The following IFT43 variants were observed in gnomAD, a reference collection of about 807,000 sequenced individuals.
IFT43 encodes intraflagellar transport protein 43 homolog.
IFT43 carries 33 observed loss-of-function variants against 32.3 expected under a neutral mutation model. That is an observed-to-expected ratio of 1.02 (90% confidence interval 0.77 to 1.37). The LOEUF (loss-of-function observed/expected upper bound fraction) is 1.37. IFT43 is among the 40% of genes most tolerant of loss of function. IFT43 has a pLI of 0.00. For synonymous variants in IFT43, 93 were observed against 98.2 expected, an observed-to-expected ratio of 0.95 and a Z score of 0.31; for missense variants, 274 against 265.9, an observed-to-expected ratio of 1.03 and a Z score of -0.21.
At chr14:76,016,907 A>G (rs986348428) in intron 2 of IFT43, among the ~76,000 whole-genome samples, 1 of 152,138 alleles carries the variant, frequency 6.6e-6, no homozygotes, top group Non-Finnish European at 1.5e-5. Context: ...GTATCCTGCA[A>G]CTTCACTGAA....
At chr14:76,081,493 AC>A (rs1476164755) in intron 5 of IFT43, among the ~76,000 whole-genome samples, 1 of 152,220 alleles carries the variant, frequency 6.6e-6, no homozygotes, top group Admixed American at 6.5e-5. Flanking sequence ...TGTTAGGTTG[AC>A]CCATGAGAAC....
At chr14:76,052,958 G>A (rs541862652) in intron 3 of IFT43, among the ~76,000 whole-genome samples, 12 of 152,222 alleles carry the variant, frequency 7.9e-5, no homozygotes, top group South Asian at 6.2e-4. Context: ...TGAAATGCCC[G>A]CATGTCTCCA....
chr14:75,993,142 G>A (rs1341013390), intron 2 of IFT43, among the ~76,000 whole-genome samples: 2 of 152,104 alleles, frequency 1.3e-5, no homozygotes, highest in African/African-American at 4.8e-5. Flanking sequence ...TCTAGAACTT[G>A]GGCATTCTTT....
intron 5 of IFT43, among the ~76,000 whole-genome samples, chr14:76,069,607 G>C (rs1178556139): frequency 6.6e-6 from 1 of 152,190 alleles, no homozygotes; most frequent in Non-Finnish European, 1.5e-5. Context: ...GAATGTTCAG[G>C]TGGAATAATC....
intron 3 of IFT43, among the ~76,000 whole-genome samples, chr14:76,023,940 C>G (rs1396702190): frequency 2.0e-5 from 3 of 152,176 alleles, no homozygotes; most frequent in Non-Finnish European, 4.4e-5. Context: ...AGAATACAGA[C>G]ACAGATTCTT....
chr14:76,026,712 A>C (rs901513234), intron 3 of IFT43, among the ~76,000 whole-genome samples: 1 of 152,216 alleles, frequency 6.6e-6, no homozygotes, highest in African/African-American at 2.4e-5. Context: ...ATACCATTTC[A>C]CCCAGCAATC....
chr14:76,060,190 T>C (rs150196396), intron 5 of IFT43, among the ~76,000 whole-genome samples: 105 of 152,200 alleles, frequency 6.9e-4, no homozygotes, highest in African/African-American at 2.5e-3. Context: ...GGAGATTACG[T>C]AGGGGATCCA....
chr14:76,050,455 A>T lies in IFT43; in HGVS notation c.216-8187A>T, dbSNP rs562187045. Among the ~76,000 whole-genome samples the T allele has an allele frequency of 2.1e-3, 320 of 151,164 alleles. 4 individuals are homozygous for T. Among genetic ancestry groups the T allele is most frequent in the Non-Finnish European group, 2.5e-3 (170 of 67,646 alleles). ...GTTTGGATGTGGTGGGAGTGTTTGG[A>T]TGTGGTGGGAGTCTTTTGTTTGTTT... On this transcript the variant is annotated intron_variant, in intron 3 of 8. Transcript: ENST00000314067.
rs756188997 is a variant in IFT43 at position 75,985,817 on chromosome 14, C to T, written c.31C>T (p.Leu11Phe). The change falls in exon 1 of 9, where the codon CTT becomes TTT. Residue 11 changes from leucine (L) to phenylalanine (F), a missense_variant. Transcript: ENST00000314067. MEDLLDLDEELRYSLATSRAK... is the reference protein window; with the variant it reads MEDLLDLDEEFRYSLATSRAK... Reference sequence around the variant, plus strand: ...GGATTTGCTCGACTTGGACGAGGAGCTTCGCTACAGCTTGGCTACCTCCGT... The same window carrying T: ...GGATTTGCTCGACTTGGACGAGGAGTTTCGCTACAGCTTGGCTACCTCCGT... 20 of 1,614,022 alleles carry T rather than the reference C, an allele frequency of 1.2e-5. No individual in the cohort carries two copies. The Admixed American group carries it at 2.8e-4, about 23-fold the overall frequency.
intron 2 of IFT43, among the ~76,000 whole-genome samples, chr14:76,019,097 A>G (rs2036243003): frequency 6.6e-6 from 1 of 151,902 alleles, no homozygotes; most frequent in African/African-American, 2.4e-5. Flanking sequence ...TTCCTCTTTT[A>G]AGTTTTATCA....
intron 5 of IFT43, among the ~76,000 whole-genome samples, chr14:76,060,883 T>TCCCCG (rs2037121482): frequency 7.3e-6 from 1 of 136,506 alleles, no homozygotes; most frequent in African/African-American, 2.7e-5. Flanking sequence ...TTTCCTGCTC[T>TCCCCG]CCCCTCCCCT....
chr14:76,008,311 CA>C (rs1210516279), intron 2 of IFT43, among the ~76,000 whole-genome samples: 1 of 152,164 alleles, frequency 6.6e-6, no homozygotes, highest in African/African-American at 2.4e-5. Context: ...CAGAAACTTC[CA>C]TTGTCTCAAC....
intron 1 of IFT43, among the ~76,000 whole-genome samples, chr14:75,986,633 G>A (rs1258417758): frequency 2.6e-5 from 4 of 152,112 alleles, no homozygotes; most frequent in East Asian, 1.9e-4. Flanking sequence ...ATGAGGCTGT[G>A]GTTTACCCAG....
intron 2 of IFT43, among the ~76,000 whole-genome samples, chr14:76,018,144 T>C (rs995609942): frequency 6.6e-6 from 1 of 152,018 alleles, no homozygotes; most frequent in Non-Finnish European, 1.5e-5. Context: ...TGTTAGCTTG[T>C]TCATTCAGAA....
intron 1 of IFT43, 54 bp from the exon 2 acceptor site, chr14:75,988,831 A>G: frequency 6.2e-7 from 1 of 1,612,200 alleles, no homozygotes; most frequent in Non-Finnish European, 8.5e-7. Flanking sequence ...TTGTCATCTC[A>G]GTAGTGGCCC....
rs1183227095 is a variant in IFT43, at chr14:76,028,498, T to C, written c.215+6104T>C. On this transcript the variant is annotated intron_variant, in intron 3 of 8. Transcript: ENST00000314067. ...TGTTTTATTTTAGATTCAGGAGATA[T>C]ATGCGCAGGTTTGTTACAGGGGTAT... Among the ~76,000 whole-genome samples the C allele has an allele frequency of 3.9e-5, 6 of 152,148 alleles. No individual in the cohort carries two copies. In the South Asian group the frequency reaches 6.2e-4, roughly 16 times the overall value.
chr14:75,998,591 C>A (rs574503853), intron 2 of IFT43, among the ~76,000 whole-genome samples: 2 of 152,214 alleles, frequency 1.3e-5, no homozygotes, highest in East Asian at 3.9e-4. Flanking sequence ...GTCCAGAAGC[C>A]AAGATAAGTG....
chr14:75,999,270 TA>T (rs1566699651), intron 2 of IFT43, among the ~76,000 whole-genome samples: 291 of 25,160 alleles, frequency 0.012, 14 homozygotes, highest in Middle Eastern at 0.029. Context: ...TATATATATA[TA>T]TGTATATATA....
At chr14:76,041,960 TCCCCTGAGTTTTTTTAG>T (rs2036715544) in intron 3 of IFT43, among the ~76,000 whole-genome samples, 3 of 152,174 alleles carry the variant, frequency 2.0e-5, no homozygotes, top group Non-Finnish European at 4.4e-5. Flanking sequence ...CCATTATCTG[TCCCCTGAGTTTTTTTAG>T]ACAGCTCTAG....
Sources: gnomAD v4.1 joint callset for allele counts (sites outside exome capture counted in the v4.1 genomes callset) on GRCh38, gnomAD v4.1.1 for gene constraint, MANE v1.5 for transcripts, NCBI Gene and HGNC (gene_info 2026-07-23, HGNC 2026-07-21) for gene names.